The following MAF variants were observed in gnomAD, a reference collection of about 807,000 sequenced individuals.
MAF encodes MAF bZIP transcription factor, also known as transcription factor Maf.
In MAF, 10 loss-of-function variants were observed where a neutral mutation model predicts 22.0. That is an observed-to-expected ratio of 0.45 (90% CI 0.28 to 0.77). The LOEUF is 0.77. MAF is among the 30% of genes least tolerant of loss of function. MAF has a pLI of 0.12. For synonymous variants in MAF, 337 were observed against 255.8 expected (o/e 1.32, Z -3.03); for missense variants, 544 against 548.4 (o/e 0.99, Z 0.08).
At chr16:79,433,280 ATAT>A in the MAF span, among the ~76,000 whole-genome samples, 668 of 112,864 alleles carry the variant, frequency 5.9e-3, 5 homozygotes, top group African/African-American at 0.019. Flanking sequence ...AAAAAAAAAT[ATAT>A]ATATATATAT....
chr16:79,258,389 G>A, the MAF span, among the ~76,000 whole-genome samples: 1 of 152,208 alleles, frequency 6.6e-6, no homozygotes, highest in Non-Finnish European at 1.5e-5. Flanking sequence ...CCAGACAGGA[G>A]TCTCTAAGCG....
At chr16:79,304,193 G>C in the MAF span, among the ~76,000 whole-genome samples, 6 of 152,300 alleles carry the variant, frequency 3.9e-5, no homozygotes, top group South Asian at 2.1e-4. Context: ...AATCCATTTG[G>C]TTGTGACCTG....
chr16:79,328,776 TG>T, the MAF span, among the ~76,000 whole-genome samples: 2 of 152,184 alleles, frequency 1.3e-5, no homozygotes, highest in African/African-American at 4.8e-5. Context: ...TGGAACCCTT[TG>T]AAGAACTGGT....
downstream of MAF, among the ~76,000 whole-genome samples, chr16:79,585,174 AG>A (rs1441705454): frequency 6.6e-6 from 1 of 152,234 alleles, no homozygotes; most frequent in Non-Finnish European, 1.5e-5. Flanking sequence ...CCAAATGAAG[AG>A]GGTTCATAAT....
chr16:79,355,310 G>A, the MAF span, among the ~76,000 whole-genome samples: 1 of 152,208 alleles, frequency 6.6e-6, no homozygotes, highest in Non-Finnish European at 1.5e-5. Context: ...AGCTCAAAAG[G>A]AGGCAGGAGG....
the MAF span, among the ~76,000 whole-genome samples, chr16:79,408,362 G>C: frequency 6.6e-6 from 1 of 152,086 alleles, no homozygotes. Context: ...TTTTAGTAGA[G>C]ACGGGGTTTC....
At chr16:79,377,767 C>G in the MAF span, among the ~76,000 whole-genome samples, 2 of 152,130 alleles carry the variant, frequency 1.3e-5, no homozygotes, top group Non-Finnish European at 2.9e-5. Flanking sequence ...TTTCCCAGCA[C>G]CATTGATTAA....
At chr16:79,538,849 AGAAAAG>A in the MAF span, among the ~76,000 whole-genome samples, 5 of 123,778 alleles carry the variant, frequency 4.0e-5, no homozygotes, top group African/African-American at 1.6e-4. Flanking sequence ...AAAGAAAGAA[AGAAAAG>A]AAAAGAAAAG....
chr16:79,274,722 T>G, the MAF span, among the ~76,000 whole-genome samples: 2 of 152,184 alleles, frequency 1.3e-5, no homozygotes, highest in Non-Finnish European at 2.9e-5. Context: ...TCCTACCCTC[T>G]GCCAAGTCAG....
the MAF span, among the ~76,000 whole-genome samples, chr16:79,470,393 C>A: frequency 6.6e-6 from 1 of 152,144 alleles, no homozygotes; most frequent in Admixed American, 6.5e-5. Flanking sequence ...GCCCAGGGGA[C>A]CAGGATGGCA....
At chr16:79,346,195 C>T in the MAF span, among the ~76,000 whole-genome samples, 2 of 140,362 alleles carry the variant, frequency 1.4e-5, no homozygotes, top group African/African-American at 5.5e-5. Flanking sequence ...CACCCCACTA[C>T]AGTCCCCGGT....
the MAF span, among the ~76,000 whole-genome samples, chr16:79,243,676 AAAC>A: frequency 1.3e-5 from 2 of 152,084 alleles, no homozygotes; most frequent in Admixed American, 6.6e-5. Flanking sequence ...AAACTATTTC[AAAC>A]AACAGAAAAA....
At chr16:79,367,885 G>A in the MAF span, among the ~76,000 whole-genome samples, 1 of 152,062 alleles carries the variant, frequency 6.6e-6, no homozygotes, top group South Asian at 2.1e-4. Flanking sequence ...TCTTCTTTTG[G>A]TCCTTCAGAT....
the MAF span, among the ~76,000 whole-genome samples, chr16:79,286,931 ACT>A: frequency 5.9e-5 from 9 of 152,008 alleles, no homozygotes; most frequent in Non-Finnish European, 1.2e-4. Context: ...CACAGACCTG[ACT>A]CTCTGGCAAA....
the MAF span, among the ~76,000 whole-genome samples, chr16:79,367,327 G>A: frequency 3.3e-5 from 5 of 152,306 alleles, no homozygotes; most frequent in South Asian, 4.1e-4. Context: ...GCTGCTGGTT[G>A]AAGTCACAGG....
At chr16:79,323,935 T>C in the MAF span, among the ~76,000 whole-genome samples, 5 of 152,160 alleles carry the variant, frequency 3.3e-5, no homozygotes, top group Non-Finnish European at 7.3e-5. Context: ...TAGATATTTA[T>C]TGAGTACTTA....
At chr16:79,528,185 C>T in the MAF span, among the ~76,000 whole-genome samples, 1 of 152,126 alleles carries the variant, frequency 6.6e-6, no homozygotes, top group Non-Finnish European at 1.5e-5. Flanking sequence ...TTCAAGTTGC[C>T]AGGGATCTCA....
chr16:79,365,673 GA>G, the MAF span, among the ~76,000 whole-genome samples: 2 of 152,166 alleles, frequency 1.3e-5, no homozygotes, highest in Non-Finnish European at 2.9e-5. Flanking sequence ...GGAGCTGGCT[GA>G]GCTAGGCTGA....
chr16:79,372,066 ATTTTTTTTT>A, the MAF span, among the ~76,000 whole-genome samples: 3 of 132,442 alleles, frequency 2.3e-5, no homozygotes, highest in African/African-American at 5.6e-5. Context: ...AGGGAGAGGA[ATTTTTTTTT>A]TTTTTTTTTT....
Sources: gnomAD v4.1 joint callset for allele counts (sites outside exome capture counted in the v4.1 genomes callset) on GRCh38, gnomAD v4.1.1 for gene constraint, MANE v1.5 for transcripts, NCBI Gene and HGNC (gene_info 2026-07-23, HGNC 2026-07-21) for gene names.